The following DACH1 variants were observed in gnomAD, a reference collection of about 807,000 sequenced individuals.
DACH1 encodes dachshund homolog 1.
DACH1 carries 12 observed loss-of-function variants against 54.2 expected under a neutral mutation model. That is an observed-to-expected ratio of 0.22 (90% CI 0.14 to 0.36). The LOEUF (loss-of-function observed/expected upper bound fraction) is 0.36, where lower values mean the gene tolerates loss of function less well. Among genes scored for constraint, DACH1 ranks in the 10% least tolerant of loss-of-function variants. The pLI is 1.00. For missense variants in DACH1, 805 were observed against 929.8 expected, an observed-to-expected ratio of 0.87 and a Z score of 1.75; for synonymous variants, 386 against 366.2, an observed-to-expected ratio of 1.05 and a Z score of -0.62.
rs73521267 is a variant in DACH1 at position 71,569,912 on chromosome 13, G to A, written c.1299+2928C>T. ...CTCAATCTTCTATGACATTTAACAC[G>A]TCACTTGCAACAGACTTTCACACTT... On this transcript the variant is annotated intron_variant, in intron 4 of 10. Transcript: ENST00000613252. Among the ~76,000 whole-genome samples, 941 of 152,044 alleles carry A rather than the reference G, an allele frequency of 6.2e-3. 10 individuals carry two copies. Among genetic ancestry groups the A allele is most frequent in the African/African-American group, 0.021 (883 of 41,472 alleles).
At chr13:71,623,529 T>A (rs1399313220) in intron 3 of DACH1, among the ~76,000 whole-genome samples, 1 of 151,822 alleles carries the variant, frequency 6.6e-6, no homozygotes, top group Non-Finnish European at 1.5e-5. Context: ...CATCATATAA[T>A]GCTTGCATAA....
chr13:71,467,626 T>C (rs1223009569), intron 10 of DACH1, among the ~76,000 whole-genome samples: 1 of 151,984 alleles, frequency 6.6e-6, no homozygotes, highest in East Asian at 1.9e-4. Context: ...TAATAACTGA[T>C]TGTCTAGTTA....
chr13:71,538,383 A>G (rs962743311), intron 6 of DACH1, among the ~76,000 whole-genome samples: 19 of 149,672 alleles, frequency 1.3e-4, no homozygotes, highest in Non-Finnish European at 2.1e-4. Context: ...CTCAAAAAAA[A>G]AAAACACAAT....
chr13:71,693,540 G>A (rs965147386), intron 1 of DACH1, among the ~76,000 whole-genome samples: 9 of 141,622 alleles, frequency 6.4e-5, no homozygotes, highest in Non-Finnish European at 1.2e-4. Flanking sequence ...GGATGGTCTC[G>A]ATCTCCTGAC....
chr13:71,568,221 T>TA (rs891117230), intron 4 of DACH1, among the ~76,000 whole-genome samples: 5 of 151,888 alleles, frequency 3.3e-5, no homozygotes, highest in Non-Finnish European at 5.9e-5. Context: ...CTAACACAAA[T>TA]AAAAGATGAA....
chr13:71,759,489 A>G (rs988539194), intron 1 of DACH1, among the ~76,000 whole-genome samples: 4 of 152,198 alleles, frequency 2.6e-5, no homozygotes, highest in African/African-American at 9.6e-5. Context: ...AAAGTAAACA[A>G]TTTTTAACTC....
intron 1 of DACH1, among the ~76,000 whole-genome samples, chr13:71,714,814 T>C (rs2138787106): frequency 6.6e-6 from 1 of 152,110 alleles, no homozygotes; most frequent in Admixed American, 6.6e-5. Flanking sequence ...TATTTTAAAA[T>C]AGAAAGGATG....
rs568234918 is a variant in DACH1 at position 71,660,526 on chromosome 13, T to C, written c.964+21269A>G. On this transcript the variant is annotated intron_variant, in intron 2 of 10. Coordinates refer to ENST00000613252, the MANE Select transcript of DACH1 (RefSeq NM_080759.6). ...GTTATGAGACAACCATAGCCCCATA[T>C]ATTGGGACGAGCAGAGGCATGGAGT... Among the ~76,000 whole-genome samples the C allele has an allele frequency of 2.2e-4, 34 of 152,130 alleles. No homozygotes were observed. In the South Asian group the frequency reaches 6.9e-3, roughly 31 times the overall value.
chr13:71,631,928 C>G (rs540405342), intron 2 of DACH1, among the ~76,000 whole-genome samples: 165 of 151,992 alleles, frequency 1.1e-3, no homozygotes, highest in African/African-American at 3.8e-3. Flanking sequence ...ATAAAACCCC[C>G]TCTCTACAAA....
chr13:71,471,791 T>C (rs1004564204), intron 10 of DACH1, among the ~76,000 whole-genome samples: 1 of 151,670 alleles, frequency 6.6e-6, no homozygotes, highest in Non-Finnish European at 1.5e-5. Context: ...AAGGAAACTA[T>C]GAAAGTAGAT....
At chr13:71,592,513 A>AAAAAAAAAAAAAAAG (rs768010399) in intron 3 of DACH1, among the ~76,000 whole-genome samples, 3 of 145,814 alleles carry the variant, frequency 2.1e-5, no homozygotes, top group Non-Finnish European at 3.0e-5. Context: ...AAAAAAAAAA[A>AAAAAAAAAAAAAAAG]AAAAGAAAAG....
At chr13:71,575,467 C>T (rs1566352858) in intron 3 of DACH1, among the ~76,000 whole-genome samples, 1 of 152,040 alleles carries the variant, frequency 6.6e-6, no homozygotes, top group African/African-American at 2.4e-5. Flanking sequence ...GAAGTCCTTA[C>T]TGCCACGATA....
At chr13:71,535,003 TC>T (rs1308809298) in intron 6 of DACH1, among the ~76,000 whole-genome samples, 5 of 151,874 alleles carry the variant, frequency 3.3e-5, no homozygotes, top group African/African-American at 9.7e-5. Flanking sequence ...TGGAAAAAGA[TC>T]TAGTGACTAT....
chr13:71,792,339 T>TACACAC (rs140037316), intron 1 of DACH1, among the ~76,000 whole-genome samples: 1,830 of 148,510 alleles, frequency 0.012, 22 homozygotes, highest in African/African-American at 0.036. Flanking sequence ...AAGTGTTTTG[T>TACACAC]ACACACACAC....
intron 1 of DACH1, among the ~76,000 whole-genome samples, chr13:71,740,659 GAAT>G (rs1201252757): frequency 6.6e-6 from 1 of 152,122 alleles, no homozygotes; most frequent in Non-Finnish European, 1.5e-5. Context: ...TCATAAAGCT[GAAT>G]AAGATATTGC....
At chr13:71,741,761 T>G (rs1884397719) in intron 1 of DACH1, among the ~76,000 whole-genome samples, 1 of 152,148 alleles carries the variant, frequency 6.6e-6, no homozygotes, top group African/African-American at 2.4e-5. Flanking sequence ...ATTTGAGTGA[T>G]TTTTCTCTCA....
intron 10 of DACH1, among the ~76,000 whole-genome samples, chr13:71,467,510 AAAAT>A (rs945128394): frequency 2.4e-4 from 37 of 151,216 alleles, no homozygotes; most frequent in African/African-American, 8.5e-4. Context: ...ATAATAAAAT[AAAAT>A]AAATAAAAAA....
At chr13:71,836,035 G>A (rs1183409534) in intron 1 of DACH1, among the ~76,000 whole-genome samples, 3 of 151,874 alleles carry the variant, frequency 2.0e-5, no homozygotes, top group African/African-American at 4.8e-5. Context: ...AAAGCAGAAC[G>A]GTTGAACACA....
At chr13:71,784,072 A>T (rs1886495263) in intron 1 of DACH1, among the ~76,000 whole-genome samples, 1 of 151,858 alleles carries the variant, frequency 6.6e-6, no homozygotes, top group Non-Finnish European at 1.5e-5. Flanking sequence ...TGAAATAGAG[A>T]GAGTACAGTG....
Sources: gnomAD v4.1 joint callset for allele counts (sites outside exome capture counted in the v4.1 genomes callset) on GRCh38, gnomAD v4.1.1 for gene constraint, MANE v1.5 for transcripts, NCBI Gene and HGNC (gene_info 2026-07-23, HGNC 2026-07-21) for gene names.